Variants in UBE2E2 observed in about 807,000 individuals in gnomAD.
The protein encoded by UBE2E2 is ubiquitin conjugating enzyme E2 E2.
In UBE2E2, 6 loss-of-function variants were observed where a neutral mutation model predicts 24.7. The observed-to-expected ratio is 0.24, with a 90% CI of 0.13 to 0.48. The LOEUF (loss-of-function observed/expected upper bound fraction) is 0.48, where lower values mean the gene tolerates loss of function less well. UBE2E2 is among the 20% of genes least tolerant of loss of function. The probability of loss-of-function intolerance (pLI) is 0.99; values close to 1 mark genes in which losing one functional copy is unlikely to be tolerated. For missense variants in UBE2E2, 169 were observed against 245.0 expected (o/e 0.69, Z 2.07); for synonymous variants, 104 against 83.6 (o/e 1.24, Z -1.33).
Position 23,312,319 on chromosome 3 carries a change from G to A in UBE2E2, c.227+95007G>A, listed in dbSNP as rs144481583. Among the ~76,000 whole-genome samples the A allele has an allele frequency of 2.2e-3, 338 of 152,178 alleles. 3 individuals carry two copies. Among genetic ancestry groups the A allele is most frequent in the African/African-American group, 7.8e-3 (323 of 41,520 alleles). On this transcript the variant is annotated intron_variant, in intron 3 of 5. Transcript: ENST00000396703. ...TAATGCATGAGATATTTTGATGCAG[G>A]TATACAATGCATAATAATCATATCA...
At chr3:23,455,597 C>T (rs1005679603) in intron 3 of UBE2E2, among the ~76,000 whole-genome samples, 6 of 151,858 alleles carry the variant, frequency 4.0e-5, no homozygotes, top group Admixed American at 6.6e-5. Context: ...TCAGCTTAGG[C>T]GGAGGATCAC....
chr3:23,492,353 C>T (rs1352128000), intron 3 of UBE2E2, among the ~76,000 whole-genome samples: 4 of 152,154 alleles, frequency 2.6e-5, no homozygotes, highest in Non-Finnish European at 4.4e-5. Flanking sequence ...GAAAAATCCC[C>T]TCATCTTCTT....
chr3:23,237,209 T>G (rs1238475559), intron 3 of UBE2E2, among the ~76,000 whole-genome samples: 1 of 152,214 alleles, frequency 6.6e-6, no homozygotes, highest in East Asian at 1.9e-4. Flanking sequence ...AATTGTTAGT[T>G]GTTGATGCTG....
At chr3:23,290,578 G>C (rs951860822) in intron 3 of UBE2E2, among the ~76,000 whole-genome samples, 4 of 151,932 alleles carry the variant, frequency 2.6e-5, no homozygotes, top group Admixed American at 2.0e-4. Context: ...TCAGCTTCCT[G>C]AGTAACTGGG....
intron 4 of UBE2E2, among the ~76,000 whole-genome samples, chr3:23,512,298 G>A (rs1023658478): frequency 6.6e-6 from 1 of 151,468 alleles, no homozygotes; most frequent in Admixed American, 6.6e-5. Context: ...GCTCACTGCA[G>A]CCTCAACCTC....
At chr3:23,469,039 C>A (rs893590696) in intron 3 of UBE2E2, among the ~76,000 whole-genome samples, 2 of 152,080 alleles carry the variant, frequency 1.3e-5, no homozygotes, top group African/African-American at 4.8e-5. Context: ...TAACAAAGTA[C>A]CATGGACTGA....
At chr3:23,225,401 A>AT (rs1479675070) in intron 3 of UBE2E2, among the ~76,000 whole-genome samples, 1 of 151,952 alleles carries the variant, frequency 6.6e-6, no homozygotes, top group Non-Finnish European at 1.5e-5. Context: ...TTACATCTGT[A>AT]TTTTTTCCTA....
At chr3:23,336,132 A>T (rs994907212) in intron 3 of UBE2E2, among the ~76,000 whole-genome samples, 4 of 152,234 alleles carry the variant, frequency 2.6e-5, no homozygotes, top group African/African-American at 7.2e-5. Context: ...AAAAATAAAA[A>T]TTATTTTTTA....
chr3:23,360,621 C>T (rs1375696074), intron 3 of UBE2E2, among the ~76,000 whole-genome samples: 1 of 152,010 alleles, frequency 6.6e-6, no homozygotes, highest in Non-Finnish European at 1.5e-5. Context: ...GGTGAATTTT[C>T]CAGTTAATAC....
At chr3:23,384,619 T>G (rs966615607) in intron 3 of UBE2E2, among the ~76,000 whole-genome samples, 6 of 152,192 alleles carry the variant, frequency 3.9e-5, no homozygotes, top group Admixed American at 3.3e-4. Flanking sequence ...CTTGGCTCAC[T>G]GCAACCTCCA....
At chr3:23,549,217 G>A (rs935979161) in intron 5 of UBE2E2, among the ~76,000 whole-genome samples, 1 of 152,170 alleles carries the variant, frequency 6.6e-6, no homozygotes, top group East Asian at 1.9e-4. Flanking sequence ...TGGATGGCAA[G>A]GTTTTAAATG....
intron 3 of UBE2E2, among the ~76,000 whole-genome samples, chr3:23,498,870 T>G (rs534893804): frequency 1.3e-5 from 2 of 152,158 alleles, no homozygotes; most frequent in African/African-American, 4.8e-5. Flanking sequence ...TGGGCCATAT[T>G]GTTTTCAGCA....
At chr3:23,525,443 A>G (rs1362331946) in intron 4 of UBE2E2, among the ~76,000 whole-genome samples, 2 of 152,204 alleles carry the variant, frequency 1.3e-5, no homozygotes, top group South Asian at 2.1e-4. Context: ...GCCATTCTAA[A>G]TAAATGTTTT....
chr3:23,552,382 A>G (rs538077846), intron 5 of UBE2E2, among the ~76,000 whole-genome samples: 136 of 152,318 alleles, frequency 8.9e-4, no homozygotes, highest in African/African-American at 2.9e-3. Context: ...CAGAATGTCA[A>G]TAAAAATATT....
chr3:23,288,249 T>C (rs1157675472), intron 3 of UBE2E2, among the ~76,000 whole-genome samples: 2 of 152,240 alleles, frequency 1.3e-5, no homozygotes, highest in South Asian at 2.1e-4. Flanking sequence ...TATTGAGCTC[T>C]AGTTTTATTC....
chr3:23,464,495 G>T (rs1309479074), intron 3 of UBE2E2, among the ~76,000 whole-genome samples: 2 of 151,552 alleles, frequency 1.3e-5, no homozygotes, highest in Non-Finnish European at 2.9e-5. Flanking sequence ...GAATAGGGGA[G>T]ATATATATAT....
intron 3 of UBE2E2, among the ~76,000 whole-genome samples, chr3:23,279,651 T>C (rs1253792348): frequency 6.6e-6 from 1 of 152,190 alleles, no homozygotes; most frequent in Non-Finnish European, 1.5e-5. Flanking sequence ...TATAGCTGCT[T>C]ATCAGGAGAG....
intron 3 of UBE2E2, among the ~76,000 whole-genome samples, chr3:23,429,174 G>A (rs80099391): frequency 6.2e-4 from 95 of 152,130 alleles, no homozygotes; most frequent in African/African-American, 2.3e-3. Flanking sequence ...GAAAGCACCA[G>A]GCCCAGACTG....
intron 3 of UBE2E2, among the ~76,000 whole-genome samples, chr3:23,290,339 C>A (rs976715767): frequency 2.0e-5 from 3 of 152,176 alleles, no homozygotes; most frequent in Non-Finnish European, 2.9e-5. Flanking sequence ...GTCTAGATCA[C>A]TGTTTCTGAG....
Sources: gnomAD v4.1 joint callset for allele counts (sites outside exome capture counted in the v4.1 genomes callset) on GRCh38, gnomAD v4.1.1 for gene constraint, MANE v1.5 for transcripts, NCBI Gene and HGNC (gene_info 2026-07-23, HGNC 2026-07-21) for gene names.